MIGA1: variants seen among roughly 807,000 people sequenced by gnomAD.
MIGA1 encodes the protein mitoguardin 1.
Under a neutral mutation model 82.0 loss-of-function variants are expected in MIGA1, and 58 were observed. The observed-to-expected ratio is 0.71, with a 90% CI of 0.57 to 0.88. The LOEUF (loss-of-function observed/expected upper bound fraction) is 0.88, where lower values mean the gene tolerates loss of function less well. Among genes scored for constraint, MIGA1 ranks in the 40% least tolerant of loss-of-function variants. MIGA1 has a pLI of 0.00. For missense variants in MIGA1, 751 were observed against 749.1 expected, an observed-to-expected ratio of 1.00 and a Z score of -0.03; for synonymous variants, 249 against 253.6, an observed-to-expected ratio of 0.98 and a Z score of 0.17.
At chr1:77,867,358 T>C (rs572708936) in intron 14 of MIGA1, among the ~76,000 whole-genome samples, 1 of 152,354 alleles carries the variant, frequency 6.6e-6, no homozygotes, top group South Asian at 2.1e-4. Flanking sequence ...AGGGTCTTGC[T>C]CTGTCATTCA....
intron 7 of MIGA1, among the ~76,000 whole-genome samples, chr1:77,829,120 T>A (rs1187359176): frequency 6.6e-6 from 1 of 152,196 alleles, no homozygotes; most frequent in African/African-American, 2.4e-5. Context: ...TATTTAGGTC[T>A]TTATTCTTCT....
chr1:77,829,668 A>G (rs1350064096), intron 7 of MIGA1, among the ~76,000 whole-genome samples: 1 of 151,964 alleles, frequency 6.6e-6, no homozygotes, highest in Admixed American at 6.6e-5. Context: ...ACGGGGTTTC[A>G]CCATGTTGGC....
chr1:77,827,407 G>A (rs1257837715), intron 7 of MIGA1, among the ~76,000 whole-genome samples: 2 of 152,002 alleles, frequency 1.3e-5, no homozygotes, highest in South Asian at 2.1e-4. Flanking sequence ...CTTGGAAATC[G>A]AGGCCGCAGT....
chr1:77,862,567 A>T (rs145553909), intron 12 of MIGA1, among the ~76,000 whole-genome samples: 2,661 of 152,288 alleles, frequency 0.017, 91 homozygotes, highest in African/African-American at 0.061. Flanking sequence ...CCTGACCAAC[A>T]TGGTGAAACC....
chr1:77,821,442 G>C (rs1191760401), intron 7 of MIGA1, among the ~76,000 whole-genome samples: 3 of 150,058 alleles, frequency 2.0e-5, no homozygotes, highest in African/African-American at 7.4e-5. Flanking sequence ...GCAGGCTGGA[G>C]AACAATGGTA....
intron 7 of MIGA1, among the ~76,000 whole-genome samples, chr1:77,839,523 A>G (rs1473419914): frequency 6.6e-6 from 1 of 151,660 alleles, no homozygotes; most frequent in East Asian, 1.9e-4. Context: ...GGTGTGCACC[A>G]CCACGCCCTG....
In MIGA1 at chr1:77,875,365, C is replaced by T; in HGVS notation, c.*301C>T. 3.8e-6 allele frequency: 1 copy of T among 261,672 alleles called. No individual in the cohort carries two copies. Among genetic ancestry groups the T allele is most frequent in the Non-Finnish European group, 7.3e-6 (1 of 136,940 alleles). The allele number at this position is 261,672 out of a possible 1,614,324, so 16.2% of individuals were successfully genotyped here. A position where few individuals can be genotyped will look rare whatever the true frequency, so the allele number is the denominator to read the frequency against. The stretch of plus-strand genomic sequence containing the variant: ...AATATTTGGGAGTTAATTGGTTTGT[C>T]TTCTTGAAGCTGTCATTCTCAAAAG... On this transcript the variant is annotated 3_prime_UTR_variant, in exon 16 of 16. Transcript: ENST00000370791.
chr1:77,844,131 TATATATAGATAGATAG>T (rs1311630419), intron 8 of MIGA1, among the ~76,000 whole-genome samples: 5 of 108,066 alleles, frequency 4.6e-5, no homozygotes, highest in South Asian at 2.7e-4. Flanking sequence ...TATATATATA[TATATATAGATAGATAG>T]ATAGATAGAT....
chr1:77,863,174 A>G, intron 12 of MIGA1, among the ~76,000 whole-genome samples: 1 of 152,058 alleles, frequency 6.6e-6, no homozygotes, highest in East Asian at 1.9e-4. Context: ...TAATTTTGTC[A>G]GTTTTAACTC....
At chr1:77,851,635 T>A (rs985087096) in intron 8 of MIGA1, among the ~76,000 whole-genome samples, 8 of 152,192 alleles carry the variant, frequency 5.3e-5, no homozygotes, top group African/African-American at 1.9e-4. Context: ...GCTGGCATTG[T>A]CTCTGAAGAG....
At chr1:77,809,579 GACCAAAAAAA>G (rs1683236682) in intron 5 of MIGA1, among the ~76,000 whole-genome samples, 1 of 151,174 alleles carries the variant, frequency 6.6e-6, no homozygotes, top group South Asian at 2.1e-4. Flanking sequence ...TAAAAAAAGA[GACCAAAAAAA>G]ACTAAAAAAA....
At position 77,879,153 on chromosome 1, in the gene MIGA1, A is replaced by G. The variant is rs1289826881; in HGVS notation, c.*4089A>G. 6.5e-6 allele frequency: 1 copy of G among 154,426 alleles called. No homozygotes were observed. The highest frequency in any genetic ancestry group is 1.4e-5 in the Non-Finnish European group (1 of 69,538). The allele number at this position is 154,426 out of a possible 1,614,324, so 9.6% of individuals were successfully genotyped here. A position where few individuals can be genotyped will look rare whatever the true frequency, so the allele number is the denominator to read the frequency against. The stretch of plus-strand genomic sequence containing the variant: ...CCCATTTACTTTTATTTTAATGTGA[A>G]TATATATTCAGAAATTATTTGATGT... On this transcript the variant is annotated 3_prime_UTR_variant, in exon 16 of 16. Transcript: ENST00000370791.
intron 5 of MIGA1, among the ~76,000 whole-genome samples, chr1:77,812,294 C>A (rs1171427470): frequency 6.6e-6 from 1 of 152,096 alleles, no homozygotes; most frequent in Admixed American, 6.6e-5. Flanking sequence ...CATGGTGAAA[C>A]CCCATCTCTA....
intron 13 of MIGA1, among the ~76,000 whole-genome samples, chr1:77,864,245 C>G (rs1464519414): frequency 6.6e-6 from 1 of 151,670 alleles, no homozygotes; most frequent in African/African-American, 2.4e-5. Context: ...TAGCGGGCAC[C>G]TGTAATCCCA....
chr1:77,847,219 G>A lies in MIGA1; in HGVS notation c.996+3812G>A, dbSNP rs1365106413. ...TGGGAATGATTCTGATGATGATGAT[G>A]AGACCTCCATGAGTGAAAGCCTTCA... On this transcript the variant is annotated intron_variant, in intron 8 of 15. Transcript: ENST00000370791. 5 of 1,164,162 alleles carry A rather than the reference G, an allele frequency of 4.3e-6. No individual in the cohort carries two copies. In the East Asian group the frequency reaches 1.2e-4, roughly 27 times the overall value. The allele number at this position is 1,164,162 out of a possible 1,614,324, so 72.1% of individuals were successfully genotyped here. A position where few individuals can be genotyped will look rare whatever the true frequency, so the allele number is the denominator to read the frequency against.
chr1:77,801,454 T>C lies in MIGA1; in HGVS notation c.319T>C (p.Trp107Arg). The C allele has an allele frequency of 6.2e-7, 1 of 1,607,184 alleles. No homozygotes were observed. Among genetic ancestry groups the C allele is most frequent in the Non-Finnish European group, 8.5e-7 (1 of 1,178,790 alleles). ...AAAGAAGAAAGGAAAAATATTACCA[T>C]GGGAACCAGAGCACCTCATACTTGA... is the stretch of plus-strand genomic sequence containing the variant. Residue 107 changes from tryptophan (W) to arginine (R), a missense_variant, in exon 3 of 16, where the codon TGG becomes CGG. This residue lies in a region of MIGA1 where 482 missense variants were observed against 439.4 expected (regional missense o/e 1.10). Transcript: ENST00000370791.
chr1:77,795,394 C>T (rs545595920), intron 2 of MIGA1, among the ~76,000 whole-genome samples: 1 of 151,854 alleles, frequency 6.6e-6, no homozygotes, highest in African/African-American at 2.4e-5. Context: ...GTTGCCCAGG[C>T]AGGAGTGCAG....
intron 8 of MIGA1, chr1:77,848,165 T>C: frequency 1.4e-6 from 2 of 1,418,180 alleles, no homozygotes; most frequent in East Asian, 2.3e-5. Flanking sequence ...GGGATTCTCA[T>C]AGGCACAGGA....
chr1:77,786,906 A>G (rs745796971), intron 2 of MIGA1, among the ~76,000 whole-genome samples: 2 of 152,118 alleles, frequency 1.3e-5, no homozygotes, highest in East Asian at 1.9e-4. Context: ...ACCCCACTCT[A>G]CTGGTACCAA....
Sources: allele counts gnomAD v4.1 joint callset (sites outside exome capture counted in the v4.1 genomes callset), GRCh38; gene constraint gnomAD v4.1.1; regional missense constraint gnomAD v4.1.1; transcripts MANE v1.5; gene names NCBI Gene and HGNC (gene_info 2026-07-23, HGNC 2026-07-21).